Variants in NSMCE2 observed in about 807,000 individuals in gnomAD.
NSMCE2 encodes NSE2 SUMO ligase component of SMC5/6 complex.
Under a neutral mutation model 23.8 loss-of-function variants are expected in NSMCE2, and 24 were observed. The observed-to-expected ratio is 1.01, with a 90% CI of 0.73 to 1.42. The LOEUF is 1.42. NSMCE2 is among the 40% of genes most tolerant of loss of function. The probability of loss-of-function intolerance (pLI) is 0.00; values close to 1 mark genes in which losing one functional copy is unlikely to be tolerated. For missense variants in NSMCE2, 284 were observed against 296.5 expected, an observed-to-expected ratio of 0.96 and a Z score of 0.31; for synonymous variants, 92 against 94.1, an observed-to-expected ratio of 0.98 and a Z score of 0.13.
At chr8:125,193,815 C>T (rs1475011492) in intron 5 of NSMCE2, among the ~76,000 whole-genome samples, 1 of 152,226 alleles carries the variant, frequency 6.6e-6, no homozygotes, top group Non-Finnish European at 1.5e-5. Flanking sequence ...CCTTCAGTCT[C>T]TGCCTATCAC....
intron 5 of NSMCE2, among the ~76,000 whole-genome samples, chr8:125,271,908 A>G (rs1255772148): frequency 6.6e-6 from 1 of 151,838 alleles, no homozygotes. Context: ...ATAGGTGGGG[A>G]TTATTGCTCC....
chr8:125,162,412 T>A (rs909422270), intron 4 of NSMCE2, among the ~76,000 whole-genome samples: 1 of 152,226 alleles, frequency 6.6e-6, no homozygotes, highest in African/African-American at 2.4e-5. Context: ...CCGTTTTGGC[T>A]TTATAATGTA....
At chr8:125,304,986 G>A (rs1337524788) in intron 5 of NSMCE2, among the ~76,000 whole-genome samples, 1 of 151,274 alleles carries the variant, frequency 6.6e-6, no homozygotes, top group Non-Finnish European at 1.5e-5. Flanking sequence ...AAGGAAAGAG[G>A]GAGGGAGGGA....
At chr8:125,307,858 T>C (rs1221573589) in intron 5 of NSMCE2, among the ~76,000 whole-genome samples, 3 of 152,246 alleles carry the variant, frequency 2.0e-5, no homozygotes, top group Non-Finnish European at 4.4e-5. Flanking sequence ...GTGAGCTGGA[T>C]CTCACCCACA....
rs560011742 is a variant in NSMCE2 at position 125,317,866 on chromosome 8, A to T, written c.419-39353A>T. Among the ~76,000 whole-genome samples, 37 of 152,368 alleles carry T rather than the reference A, an allele frequency of 2.4e-4. No individual in the cohort carries two copies. In the South Asian group the frequency reaches 7.0e-3, roughly 29 times the overall value. On this transcript the variant is annotated intron_variant, in intron 5 of 7. Coordinates refer to ENST00000287437, the MANE Select transcript of NSMCE2 (RefSeq NM_173685.4). ...AAATTATCAGACCAGAATGCCAGTT[A>T]AATTTTTAAAAAGTTAAAAAATTAT... is the stretch of plus-strand genomic sequence containing the variant.
intron 3 of NSMCE2, among the ~76,000 whole-genome samples, chr8:125,147,859 A>G (rs1234912952): frequency 6.6e-6 from 1 of 152,188 alleles, no homozygotes; most frequent in Non-Finnish European, 1.5e-5. Flanking sequence ...ACAAAAAAGA[A>G]TTACGAAAAT....
chr8:125,189,622 G>A lies in NSMCE2; in HGVS notation c.418+7366G>A, dbSNP rs78826310. ...AGAGGGTCAGAACATAGTTAAGGCA[G>A]TCTGATGATAAAAATCCTTTTCCTC... On this transcript the variant is annotated intron_variant, in intron 5 of 7. Transcript: ENST00000287437. 4.5e-3 allele frequency among the ~76,000 whole-genome samples: 680 copies of A among 152,278 alleles called. 7 individuals carry two copies. The highest frequency in any genetic ancestry group is 0.016 in the African/African-American group (659 of 41,558).
intron 5 of NSMCE2, among the ~76,000 whole-genome samples, chr8:125,199,998 C>A (rs544758405): frequency 6.6e-6 from 1 of 152,154 alleles, no homozygotes; most frequent in African/African-American, 2.4e-5. Context: ...GATTGCAACC[C>A]CTGCTTTTCT....
At position 125,336,947 on chromosome 8, in the gene NSMCE2, C is replaced by G. The variant is rs531734372; in HGVS notation, c.419-20272C>G. On this transcript the variant is annotated intron_variant, in intron 5 of 7. Coordinates refer to ENST00000287437, the MANE Select transcript of NSMCE2 (RefSeq NM_173685.4). ...TATGGGAATCTTCTCCTCCAGCTAA[C>G]ACTGTGATTTGGTCATCTGTGTTTA... 2.6e-5 allele frequency among the ~76,000 whole-genome samples: 4 copies of G among 152,378 alleles called. No homozygotes were observed. The East Asian group carries it at 7.7e-4, about 29-fold the overall frequency.
At chr8:125,256,281 CAA>C (rs113772162) in intron 5 of NSMCE2, among the ~76,000 whole-genome samples, 2 of 76,222 alleles carry the variant, frequency 2.6e-5, no homozygotes, top group Admixed American at 1.3e-4. Flanking sequence ...GACTCCGTCT[CAA>C]AAAAAAAAAA....
intron 5 of NSMCE2, among the ~76,000 whole-genome samples, chr8:125,258,128 G>A (rs1826522419): frequency 6.6e-6 from 1 of 152,152 alleles, no homozygotes; most frequent in Non-Finnish European, 1.5e-5. Context: ...CAGTAAGTGT[G>A]GGTATAGATG....
intron 3 of NSMCE2, among the ~76,000 whole-genome samples, chr8:125,106,107 A>G (rs932427835): frequency 2.0e-5 from 3 of 152,100 alleles, no homozygotes; most frequent in Non-Finnish European, 4.4e-5. Flanking sequence ...ATAACAAAGT[A>G]GTCAACATAA....
rs183013827 is a variant in NSMCE2, at chr8:125,119,926, G to A, written c.157+17439G>A. Among the ~76,000 whole-genome samples the A allele has an allele frequency of 7.4e-4, 112 of 152,016 alleles. 5 individuals are homozygous for A. In the East Asian group the frequency reaches 0.018, roughly 25 times the overall value. On this transcript the variant is annotated intron_variant, in intron 3 of 7. Coordinates refer to ENST00000287437, the MANE Select transcript of NSMCE2 (RefSeq NM_173685.4). ...ATGTAAAGCATTATTATTTATATAT[G>A]TAAAGCATTATTTATATAAAGTGTT... is the stretch of plus-strand genomic sequence containing the variant.
At chr8:125,283,368 C>A (rs1052078401) in intron 5 of NSMCE2, among the ~76,000 whole-genome samples, 1 of 152,064 alleles carries the variant, frequency 6.6e-6, no homozygotes, top group Admixed American at 6.6e-5. Context: ...GTCAACATGA[C>A]GAAACCCCGC....
chr8:125,321,119 A>G (rs1424730055), intron 5 of NSMCE2, among the ~76,000 whole-genome samples: 1 of 152,142 alleles, frequency 6.6e-6, no homozygotes, highest in Admixed American at 6.5e-5. Context: ...CACCTCCAGT[A>G]TTGGTGATTA....
At chr8:125,237,552 C>T (rs1302797632) in intron 5 of NSMCE2, among the ~76,000 whole-genome samples, 2 of 152,182 alleles carry the variant, frequency 1.3e-5, no homozygotes, top group Admixed American at 1.3e-4. Context: ...CACCAAGCTT[C>T]CCTCTGGAAA....
intron 5 of NSMCE2, among the ~76,000 whole-genome samples, chr8:125,282,329 G>A (rs148891635): frequency 0.017 from 2,601 of 152,142 alleles, 35 homozygotes; most frequent in Middle Eastern, 0.031. Context: ...GGCCAGGCTC[G>A]TCTCGAACTC....
chr8:125,348,918 A>T (rs1812905252), intron 5 of NSMCE2: 1 of 152,160 alleles, frequency 6.6e-6, no homozygotes, highest in Non-Finnish European at 1.5e-5. Flanking sequence ...CCAACCAAAC[A>T]GCTGGCAGTC....
At chr8:125,121,935 C>T (rs1028354064) in intron 3 of NSMCE2, among the ~76,000 whole-genome samples, 1 of 151,642 alleles carries the variant, frequency 6.6e-6, no homozygotes, top group Non-Finnish European at 1.5e-5. Context: ...TAATTATTTA[C>T]TCCTTACATA....
Sources: allele counts gnomAD v4.1 joint callset (sites outside exome capture counted in the v4.1 genomes callset), GRCh38; gene constraint gnomAD v4.1.1; transcripts MANE v1.5; gene names NCBI Gene and HGNC (gene_info 2026-07-23, HGNC 2026-07-21).